ASPSCR1: variants seen among roughly 807,000 people sequenced by gnomAD.
The protein encoded by ASPSCR1 is ASPSCR1 tether for SLC2A4, UBX domain containing.
A neutral mutation model predicts 68.9 loss-of-function variants in ASPSCR1; 55 were observed. The ratio of observed to expected loss-of-function variants is 0.80; its 90% CI spans 0.64 to 1.00. The LOEUF is 1.00. ASPSCR1 is among the 50% of genes least tolerant of loss of function. The pLI is 0.00. For synonymous variants in ASPSCR1, 352 were observed against 332.6 expected (o/e 1.06, Z -0.63); for missense variants, 765 against 762.2 (o/e 1.00, Z -0.04).
In ASPSCR1 at chr17:81,999,945, T is replaced by C. The variant is rs191307933; in HGVS notation, c.933+3099T>C. ...CTGTCCTGGGACTGTTCCTGTTGAG[T>C]GGACAAGGGAGTGGGGAGTGAGGGT... On this transcript the variant is annotated intron_variant, in intron 7 of 15. Transcript: ENST00000306739. The surrounding 1 kb of genome is among the most constrained non-coding windows in gnomAD (Gnocchi z 4.4). Among the ~76,000 whole-genome samples, 356 of 152,274 alleles carry C rather than the reference T, an allele frequency of 2.3e-3. 1 individual carries two copies. The highest frequency in any genetic ancestry group is 8.3e-3 in the African/African-American group (345 of 41,552).
intron 4 of ASPSCR1, among the ~76,000 whole-genome samples, chr17:81,994,291 G>A (rs1357452301): frequency 6.6e-6 from 1 of 152,246 alleles, no homozygotes; most frequent in Non-Finnish European, 1.5e-5. Flanking sequence ...CAGGCAAGCG[G>A]GCGTGAGCGG....
At chr17:81,984,884 C>T (rs1333082955) in intron 3 of ASPSCR1, among the ~76,000 whole-genome samples, 1 of 102,812 alleles carries the variant, frequency 9.7e-6, no homozygotes, top group Non-Finnish European at 2.0e-5. Context: ...GCACACACAC[C>T]CCCCACACAC....
At position 82,016,806 on chromosome 17, in the gene ASPSCR1, A is replaced by G. The variant is rs1380675724; in HGVS notation, c.1412A>G (p.Tyr471Cys). Residue 471 changes from tyrosine (Y) to cysteine (C), a missense_variant, in exon 14 of 16, where the codon TAC becomes TGC. By Grantham distance (194) the Tyr-to-Cys change is radical (BLOSUM62 -2). Transcript: ENST00000306739. ...HLGAEEPAGV[Y>C]LEPGLLEHAI... ...AGCTTGGGCCTCCCTGCAGGTGTCT[A>G]CCTGGAGCCTGGCCTGCTGGAGCAT... 1 of 1,610,010 alleles carries G rather than the reference A, an allele frequency of 6.2e-7. No individual in the cohort carries two copies. The highest frequency in any genetic ancestry group is 1.7e-5 in the Admixed American group (1 of 59,978).
At chr17:82,012,209 C>T (rs374927919) in intron 11 of ASPSCR1, 22 bp from the exon 12 acceptor site, 116 of 1,612,036 alleles carry the variant, frequency 7.2e-5, no homozygotes, top group Non-Finnish European at 8.7e-5. Context: ...CTTCCTAACA[C>T]GTAGGTGCCT....
intron 12 of ASPSCR1, 55 bp downstream of exon 12, chr17:82,012,338 G>T (rs943089732): frequency 6.4e-7 from 1 of 1,566,288 alleles, no homozygotes; most frequent in Admixed American, 1.7e-5. Context: ...GGGAGGGCAG[G>T]ACGAGAGCGT....
intron 12 of ASPSCR1, chr17:82,015,374 G>T (rs566346825): frequency 1.3e-6 from 2 of 1,593,936 alleles, no homozygotes; most frequent in Non-Finnish European, 1.7e-6. Context: ...GCCTGGCTCA[G>T]TGCTCCCTGC....
rs750872833 is a variant in ASPSCR1, at chr17:82,010,897, T to TG, written c.1237+35dup. On this transcript the variant is annotated intron_variant, in intron 10 of 15. Coordinates refer to ENST00000306739, the MANE Select transcript of ASPSCR1 (RefSeq NM_024083.4). Reference sequence around the variant, plus strand: ...GGCAGCGCTGTGGGGTGTCCGGGGATGGGGGGCAGGGGCCCATGGGGCCTC... The same window carrying TG: ...GGCAGCGCTGTGGGGTGTCCGGGGATGGGGGGGCAGGGGCCCATGGGGCCTC... The TG allele has an allele frequency of 3.7e-6, 6 of 1,606,834 alleles. No homozygotes were observed. The East Asian group carries it at 1.1e-4, about 30-fold the overall frequency.
chr17:81,994,742 G>A (rs760316750), intron 4 of ASPSCR1, 79 bp from the exon 5 acceptor site: 27 of 1,464,326 alleles, frequency 1.8e-5, no homozygotes, highest in Non-Finnish European at 2.5e-5. Flanking sequence ...TTTGCTTTCC[G>A]AGTCTCCTGC....
intron 4 of ASPSCR1, among the ~76,000 whole-genome samples, chr17:81,992,150 A>G (rs2042190563): frequency 6.6e-6 from 1 of 152,216 alleles, no homozygotes; most frequent in Admixed American, 6.5e-5. Context: ...GCTTCGGAGC[A>G]TGGTGTCTGG....
Position 81,977,817 on chromosome 17 carries a change from C to A in ASPSCR1, c.102+69C>A, listed in dbSNP as rs2041652566. 8.8e-7 allele frequency: 1 copy of A among 1,136,766 alleles called. No individual in the cohort carries two copies. Among genetic ancestry groups the A allele is most frequent in the Non-Finnish European group, 1.1e-6 (1 of 910,964 alleles). 70.4% of individuals were successfully genotyped at this position (1,136,766 alleles called of 1,614,324 possible). On this transcript the variant is annotated intron_variant, in intron 1 of 15. Coordinates refer to ENST00000306739, the MANE Select transcript of ASPSCR1 (RefSeq NM_024083.4). This position sits in a 1 kb window ranked among gnomAD's most constrained non-coding sequence, Gnocchi z 5.0. Reference sequence around the variant, plus strand: ...CGCTGCGCCGAGGCCCCGCCCATTGCGGTCGGCGTCCCGGTGTTCGGGGGC... The same window carrying A: ...CGCTGCGCCGAGGCCCCGCCCATTGAGGTCGGCGTCCCGGTGTTCGGGGGC...
In ASPSCR1 at chr17:82,008,884, G is replaced by A. The variant is rs553017278; in HGVS notation, c.934-153G>A. The A allele has an allele frequency of 7.8e-5, 87 of 1,113,236 alleles. No homozygotes were observed. In the African/African-American group the frequency reaches 1.4e-3, roughly 17 times the overall value. The allele number at this position is 1,113,236 out of a possible 1,614,324, so 69.0% of individuals were successfully genotyped here. A position where few individuals can be genotyped will look rare whatever the true frequency, so the allele number is the denominator to read the frequency against. On this transcript the variant is annotated intron_variant, in intron 7 of 15. Transcript: ENST00000306739. ...GCTGCTGTGCCCAGCCCTGCCCCCA[G>A]GACCTGGCCTTGGCCCTGCGCTGGC...
At chr17:81,992,629 T>G (rs80130302) in intron 4 of ASPSCR1, among the ~76,000 whole-genome samples, 3,691 of 152,172 alleles carry the variant, frequency 0.024, 138 homozygotes, top group African/African-American at 0.085. Flanking sequence ...GCCCTCCCTG[T>G]CCCCCTTCCT....
At chr17:82,008,878 C>A in intron 7 of ASPSCR1, 159 bp from the exon 8 acceptor site, 2 of 1,038,124 alleles carry the variant, frequency 1.9e-6, no homozygotes, top group Non-Finnish European at 2.6e-6. Context: ...CCCAGCCCTG[C>A]CCCCAGGACC....
At chr17:81,982,939 G>A (rs1371974071) in intron 2 of ASPSCR1, among the ~76,000 whole-genome samples, 4 of 152,136 alleles carry the variant, frequency 2.6e-5, no homozygotes, top group East Asian at 3.9e-4. Flanking sequence ...TCAGCCTCCC[G>A]AGTAGCTGGG....
chr17:81,977,920 G>A lies in ASPSCR1; in HGVS notation c.102+172G>A, dbSNP rs1269178764. ...TCGCCGTCACCTGCGCTTCCGCTGG[G>A]GTCCCGGGGGTCCCGGGGGTCCCGA... is the stretch of plus-strand genomic sequence containing the variant. On this transcript the variant is annotated intron_variant, in intron 1 of 15. Transcript: ENST00000306739. This position sits in a 1 kb window ranked among gnomAD's most constrained non-coding sequence, Gnocchi z 5.0. 1.4e-5 allele frequency: 5 copies of A among 350,942 alleles called. No homozygotes were observed. The highest frequency in any genetic ancestry group is 1.4e-4 in the South Asian group (1 of 7,032). The allele number at this position is 350,942 out of a possible 1,614,324, so 21.7% of individuals were successfully genotyped here.
At chr17:81,985,302 G>A (rs139962253) in intron 3 of ASPSCR1, among the ~76,000 whole-genome samples, 81 of 152,228 alleles carry the variant, frequency 5.3e-4, no homozygotes, top group African/African-American at 1.8e-3. Context: ...ATGCACACAC[G>A]CATGCTGGTG....
At chr17:81,993,774 A>C (rs1335828607) in intron 4 of ASPSCR1, among the ~76,000 whole-genome samples, 1 of 152,190 alleles carries the variant, frequency 6.6e-6, no homozygotes, top group South Asian at 2.1e-4. Flanking sequence ...CCTAATCTTT[A>C]TCCCCTGTGT....
intron 3 of ASPSCR1, among the ~76,000 whole-genome samples, chr17:81,985,166 GCACACACC>G (rs1215953115): frequency 2.9e-5 from 4 of 137,702 alleles, no homozygotes; most frequent in Non-Finnish European, 4.7e-5. Context: ...GCGCACACCT[GCACACACC>G]CACACACCAA....
chr17:81,987,261 G>A lies in ASPSCR1; in HGVS notation c.374+1654G>A, dbSNP rs911746243. Among the ~76,000 whole-genome samples, 3 of 152,152 alleles carry A rather than the reference G, an allele frequency of 2.0e-5. No homozygotes were observed. Among genetic ancestry groups the A allele is most frequent in the Non-Finnish European group, 2.9e-5 (2 of 68,024 alleles). ...GAGCGGGACCCGAGCCAGGAGTGGC[G>A]CCGGGCAGGGAGGCAGGCAGCCCCA... On this transcript the variant is annotated intron_variant, in intron 4 of 15. Transcript: ENST00000306739. This position sits in a 1 kb window ranked among gnomAD's most constrained non-coding sequence, Gnocchi z 5.6.
Sources: gnomAD v4.1 joint callset for allele counts (sites outside exome capture counted in the v4.1 genomes callset) on GRCh38, gnomAD v4.1.1 for gene constraint, Gnocchi (gnomAD v3.1) non-coding constraint, MANE v1.5 for transcripts, NCBI Gene and HGNC (gene_info 2026-07-23, HGNC 2026-07-21) for gene names.